Variants in TNFSF15 observed in about 807,000 individuals in gnomAD.
TNFSF15 encodes the protein TNF superfamily member 15, also known as tumor necrosis factor ligand superfamily member 15.
A neutral mutation model predicts 26.4 loss-of-function variants in TNFSF15; 15 were observed. That is an observed-to-expected ratio of 0.57 (90% CI 0.38 to 0.87). TNFSF15 has a LOEUF of 0.87. Ranked by LOEUF, TNFSF15 falls within the 40% of genes least tolerant of loss-of-function variation. The pLI is 0.00. For missense variants in TNFSF15, 290 were observed against 306.1 expected, an observed-to-expected ratio of 0.95 and a Z score of 0.39; for synonymous variants, 116 against 115.0, an observed-to-expected ratio of 1.01 and a Z score of -0.06.
chr9:114,800,210 C>T (rs1829727685), intron 1 of TNFSF15, among the ~76,000 whole-genome samples: 1 of 152,148 alleles, frequency 6.6e-6, no homozygotes, highest in Admixed American at 6.5e-5. Flanking sequence ...GCAGAATTCT[C>T]ACCATAGTGC....
At chr9:114,794,680 T>G (rs1364703929) in intron 1 of TNFSF15, among the ~76,000 whole-genome samples, 1 of 152,130 alleles carries the variant, frequency 6.6e-6, no homozygotes, top group African/African-American at 2.4e-5. Context: ...CTATAAACAA[T>G]GGAATACTAT....
At chr9:114,803,270 G>A (rs980188695) in intron 1 of TNFSF15, among the ~76,000 whole-genome samples, 2 of 152,098 alleles carry the variant, frequency 1.3e-5, no homozygotes, top group Non-Finnish European at 2.9e-5. Context: ...TGATGATCAC[G>A]TCACAGCCAC....
Position 114,795,981 on chromosome 9 carries a change from C to T in TNFSF15, c.211-2413G>A, listed in dbSNP as rs116447615. Reference sequence around the variant, plus strand: ...ATGCTACCTAACCTCTACTAGAAGCCCCTTGAGGGCAGAAATCTTGTCTTT... The same window carrying T: ...ATGCTACCTAACCTCTACTAGAAGCTCCTTGAGGGCAGAAATCTTGTCTTT... On this transcript the variant is annotated intron_variant, in intron 1 of 3. Transcript: ENST00000374045. 4.9e-3 allele frequency among the ~76,000 whole-genome samples: 741 copies of T among 152,254 alleles called. 6 individuals carry two copies. The highest frequency in any genetic ancestry group is 0.014 in the Middle Eastern group (4 of 294).
intron 1 of TNFSF15, among the ~76,000 whole-genome samples, chr9:114,805,239 G>A (rs982994336): frequency 3.3e-5 from 5 of 152,104 alleles, no homozygotes; most frequent in Non-Finnish European, 7.3e-5. Flanking sequence ...TCCACATATA[G>A]GAATGTGTAT....
In TNFSF15 at chr9:114,800,945, G is replaced by T. The variant is rs1001159564; in HGVS notation, c.210+4858C>A. Among the ~76,000 whole-genome samples the T allele has an allele frequency of 5.9e-5, 9 of 152,186 alleles. 1 individual carries two copies. Among genetic ancestry groups the T allele is most frequent in the Admixed American group, 5.9e-4 (9 of 15,280 alleles). Reference sequence around the variant, plus strand: ...CAGGAGGCCTCAGCAGGGAAGAATGGTTCAGGAATAAAAGGCAGGAGCATT... The same window carrying T: ...CAGGAGGCCTCAGCAGGGAAGAATGTTTCAGGAATAAAAGGCAGGAGCATT... On this transcript the variant is annotated intron_variant, in intron 1 of 3. Coordinates refer to ENST00000374045, the MANE Select transcript of TNFSF15 (RefSeq NM_005118.4).
chr9:114,790,357 G>T lies in TNFSF15; in HGVS notation c.*95C>A. The T allele has an allele frequency of 8.4e-6, 11 of 1,306,894 alleles. No homozygotes were observed. The highest frequency in any genetic ancestry group is 1.1e-5 in the Non-Finnish European group (10 of 950,874). 81.0% of individuals were successfully genotyped at this position (1,306,894 alleles called of 1,614,324 possible). A position where few individuals can be genotyped will look rare whatever the true frequency, so the allele number is the denominator to read the frequency against. On this transcript the variant is annotated 3_prime_UTR_variant, in exon 4 of 4. Coordinates refer to ENST00000374045, the MANE Select transcript of TNFSF15 (RefSeq NM_005118.4). ...CCCTGTGGAATGCCCCCTACTCCCG[G>T]CCCCAAGAAAACCCCTGGTTATAAT...
chr9:114,802,870 C>T (rs1283599312), intron 1 of TNFSF15, among the ~76,000 whole-genome samples: 1 of 152,162 alleles, frequency 6.6e-6, no homozygotes, highest in Non-Finnish European at 1.5e-5. Context: ...GGGAAGGAGG[C>T]CAGATGGTCC....
intron 1 of TNFSF15, among the ~76,000 whole-genome samples, chr9:114,794,383 A>G (rs1829649483): frequency 6.6e-6 from 1 of 152,252 alleles, no homozygotes; most frequent in South Asian, 2.1e-4. Flanking sequence ...TAGCTTACAA[A>G]TAATATCATG....
At chr9:114,791,135 A>G in intron 3 of TNFSF15, 1 of 606,900 alleles carries the variant, frequency 1.6e-6, no homozygotes. Flanking sequence ...TGCCTTTCTG[A>G]GACTGAGTGG....
intron 3 of TNFSF15, chr9:114,791,203 G>T (rs922959370): frequency 3.7e-6 from 2 of 543,174 alleles, no homozygotes; most frequent in East Asian, 3.1e-5. Flanking sequence ...AACAATGAAG[G>T]TTAAGGAATC....
intron 2 of TNFSF15, among the ~76,000 whole-genome samples, chr9:114,793,246 G>A (rs1829631066): frequency 6.6e-6 from 1 of 152,146 alleles, no homozygotes; most frequent in Non-Finnish European, 1.5e-5. Flanking sequence ...AATAAATGCA[G>A]GCAGAGACAG....
At chr9:114,792,585 T>A (rs1225835364) in intron 2 of TNFSF15, 131 bp from the exon 3 acceptor site, 2 of 1,537,412 alleles carry the variant, frequency 1.3e-6, no homozygotes, top group Non-Finnish European at 1.7e-6. Flanking sequence ...CCAGTGCCAC[T>A]CCTTGCAGGA....
chr9:114,785,829 G>A lies in TNFSF15; in HGVS notation c.*4623C>T, dbSNP rs1056969703. ...CACTAAAATGAACTCTATTTGCGAT[G>A]AGTAGAGAGGTTAGAAGAGTCCAGG... On this transcript the variant is annotated 3_prime_UTR_variant, in exon 4 of 4. Coordinates refer to ENST00000374045, the MANE Select transcript of TNFSF15 (RefSeq NM_005118.4). The A allele has an allele frequency of 6.6e-6, 1 of 152,236 alleles. No individual in the cohort carries two copies. The highest frequency in any genetic ancestry group is 2.4e-5 in the African/African-American group (1 of 41,450). The allele number at this position is 152,236 out of a possible 1,614,324, so 9.4% of individuals were successfully genotyped here.
rs1011827765 is a variant in TNFSF15 at position 114,788,695 on chromosome 9, TC to T, written c.*1756del. Reference sequence around the variant, plus strand: ...TATAATACGGGCCAAGGGTCACCAGTCATATAATACCGAAATGCTCAGATGG... The same window carrying T: ...TATAATACGGGCCAAGGGTCACCAGTATATAATACCGAAATGCTCAGATGG... On this transcript the variant is annotated 3_prime_UTR_variant, in exon 4 of 4. Transcript: ENST00000374045. 1.3e-5 allele frequency: 2 copies of T among 152,078 alleles called. No homozygotes were observed. Among genetic ancestry groups the T allele is most frequent in the African/African-American group, 4.8e-5 (2 of 41,396 alleles). 9.4% of individuals were successfully genotyped at this position (152,078 alleles called of 1,614,324 possible). A position where few individuals can be genotyped will look rare whatever the true frequency, so the allele number is the denominator to read the frequency against.
chr9:114,796,308 T>C (rs1489959826), intron 1 of TNFSF15, among the ~76,000 whole-genome samples: 1 of 152,208 alleles, frequency 6.6e-6, no homozygotes, highest in East Asian at 1.9e-4. Flanking sequence ...TTCTAAAGCA[T>C]CACTTTATCT....
At chr9:114,794,735 G>T (rs750661397) in intron 1 of TNFSF15, among the ~76,000 whole-genome samples, 3 of 152,156 alleles carry the variant, frequency 2.0e-5, no homozygotes, top group Admixed American at 6.5e-5. Flanking sequence ...AACATGGATA[G>T]AACTGGAGGT....
Position 114,786,214 on chromosome 9 carries a change from T to C in TNFSF15, c.*4238A>G, listed in dbSNP as rs560964431. 6.6e-6 allele frequency: 1 copy of C among 152,256 alleles called. No individual in the cohort carries two copies. The highest frequency in any genetic ancestry group is 1.5e-5 in the Non-Finnish European group (1 of 68,044). The allele number at this position is 152,256 out of a possible 1,614,324, so 9.4% of individuals were successfully genotyped here. A position where few individuals can be genotyped will look rare whatever the true frequency, so the allele number is the denominator to read the frequency against. On this transcript the variant is annotated 3_prime_UTR_variant, in exon 4 of 4. Coordinates refer to ENST00000374045, the MANE Select transcript of TNFSF15 (RefSeq NM_005118.4). ...ACACTTGAAAATTCTGCTACAAATATCAAAACACTTCTAGGACTCTGGGCC... is the reference window on the plus strand; with the variant it reads ...ACACTTGAAAATTCTGCTACAAATACCAAAACACTTCTAGGACTCTGGGCC...
chr9:114,792,332 A>G, intron 3 of TNFSF15, 75 bp downstream of exon 3: 2 of 1,557,284 alleles, frequency 1.3e-6, no homozygotes, highest in Admixed American at 2.0e-5. Context: ...ACTAGAATGA[A>G]TTTTGGTAAA....
chr9:114,790,234 T>C lies in TNFSF15; in HGVS notation c.*218A>G, dbSNP rs948292924. ...AATCCTCCAACCCATCTTAATAATA[T>C]ATTTGCTCTCTTCAGCCTTTTTCCA... On this transcript the variant is annotated 3_prime_UTR_variant, in exon 4 of 4. Coordinates refer to ENST00000374045, the MANE Select transcript of TNFSF15 (RefSeq NM_005118.4). The C allele has an allele frequency of 4.2e-6, 2 of 478,638 alleles. No homozygotes were observed. The highest frequency in any genetic ancestry group is 3.8e-5 in the Admixed American group (1 of 26,122). 29.6% of individuals were successfully genotyped at this position (478,638 alleles called of 1,614,324 possible). A position where few individuals can be genotyped will look rare whatever the true frequency, so the allele number is the denominator to read the frequency against.
Sources: allele counts gnomAD v4.1 joint callset (sites outside exome capture counted in the v4.1 genomes callset), GRCh38; gene constraint gnomAD v4.1.1; transcripts MANE v1.5; gene names NCBI Gene and HGNC (gene_info 2026-07-23, HGNC 2026-07-21).